Variants in CCDC120 observed in about 807,000 individuals in gnomAD.
The protein encoded by CCDC120 is coiled-coil domain-containing protein 120.
In CCDC120, 16 loss-of-function variants were observed where a neutral mutation model predicts 37.6. That is an observed-to-expected ratio of 0.43 (90% confidence interval 0.29 to 0.65). The LOEUF (loss-of-function observed/expected upper bound fraction) is 0.65, where lower values mean the gene tolerates loss of function less well. Ranked by LOEUF, CCDC120 falls within the 30% of genes least tolerant of loss-of-function variation. The pLI, the probability that CCDC120 is intolerant of heterozygous loss-of-function variation, is 0.18. For missense variants in CCDC120, 650 were observed against 657.4 expected (o/e 0.99, Z 0.12); for synonymous variants, 309 against 275.4 (o/e 1.12, Z -1.21).
intron 2 of CCDC120, 55 bp downstream of exon 2, chrX:49,062,159 TG>T: frequency 2.6e-6 from 3 of 1,168,014 alleles, no homozygotes; most frequent in Non-Finnish European, 3.4e-6. Flanking sequence ...CGCTGTGGCA[TG>T]GGAAGCTGGG....
At position 49,067,332 on chromosome X, in the gene CCDC120, TGGG is replaced by T. The variant is rs1557081587; in HGVS notation, c.1221_1223del (p.Gly408del). The T allele has an allele frequency of 5.0e-6, 6 of 1,203,720 alleles. No homozygotes were observed. The highest frequency in any genetic ancestry group is 4.5e-6 in the Non-Finnish European group (4 of 892,532). ...CCCTGCTGGTGGACCGGGCCGCTGG[TGGG>T]GGAGCTGGCTCCCCGCCTGCCCCTC... On this transcript the variant is annotated inframe_deletion, in exon 10 of 11. Transcript: ENST00000603986.
chrX:49,058,942 G>A (rs994713525), upstream of CCDC120: 1 of 112,635 alleles, frequency 8.9e-6, no homozygotes, highest in Non-Finnish European at 1.9e-5. Flanking sequence ...GGCCGGCCCA[G>A]TTCCTGGCCA....
At chrX:49,062,153 G>A in intron 2 of CCDC120, 49 bp downstream of exon 2, 1 of 1,167,414 alleles carries the variant, frequency 8.6e-7, no homozygotes, top group African/African-American at 1.8e-5. Context: ...ATTCCCCGCT[G>A]TGGCATGGGA....
rs782774922 is a variant in CCDC120, at chrX:49,062,257, G to C, written c.86G>C (p.Arg29Pro). ...SERTLSSHQP[R>P]PLDSTKMEVK... is the part of the protein sequence containing the mutation. ...CAGACTTTGTCCAGCCATCAGCCAC[G>C]GCCTCTCGACAGCACCAAGATGGAA... Residue 29 changes from arginine to proline, a missense_variant, in exon 3 of 11, where the codon CGG (arginine) becomes CCG (proline). Arg to Pro is a moderately radical substitution (Grantham distance 103). This residue lies in a region of CCDC120 where 64 missense variants were observed against 65.2 expected (regional missense o/e 0.98). Transcript: ENST00000603986. 4.1e-6 allele frequency: 5 copies of C among 1,208,723 alleles called. No homozygotes were observed. The highest frequency in any genetic ancestry group is 4.5e-6 in the Non-Finnish European group (4 of 894,614).
chrX:49,054,969 A>ATACTGTGCCCG (rs2064821701), upstream of CCDC120, among the ~76,000 whole-genome samples: 1 of 111,574 alleles, frequency 9.0e-6, no homozygotes, highest in African/African-American at 3.3e-5. Flanking sequence ...GGGTCCCATT[A>ATACTGTGCCCG]TACTGTGCCC....
At chrX:49,067,126 C>T in intron 9 of CCDC120, 50 bp from the exon 10 acceptor site, 1 of 1,128,370 alleles carries the variant, frequency 8.9e-7, no homozygotes, top group Non-Finnish European at 1.2e-6. Context: ...TGCACGCCTT[C>T]TGCCTGATTT....
chrX:49,054,409 T>C (rs2064818572), upstream of CCDC120, among the ~76,000 whole-genome samples: 1 of 111,220 alleles, frequency 9.0e-6, no homozygotes, highest in Admixed American at 9.6e-5. Flanking sequence ...CTCTGCACCC[T>C]ATGTGATATC....
At position 49,064,556 on chromosome X, in the gene CCDC120, C is replaced by T; in HGVS notation, c.616C>T (p.Leu206Phe). Reference sequence around the variant, plus strand: ...GCAGCTCAGGGATGTCCGGGCCCGCCTTGGCCTCCCAGTGCTCCCGCTGCC... The same window carrying T: ...GCAGCTCAGGGATGTCCGGGCCCGCTTTGGCCTCCCAGTGCTCCCGCTGCC... ...EEQLRDVRARLGLPVLPLPQP... is the reference protein window; with the variant it reads ...EEQLRDVRARFGLPVLPLPQP... Residue 206 changes from leucine (L) to phenylalanine (F), a missense_variant, in exon 6 of 11, where the codon CTT (leucine) becomes TTT (phenylalanine). Coordinates refer to ENST00000603986, the MANE Select transcript of CCDC120 (RefSeq NM_001163321.4). 8.5e-7 allele frequency: 1 copy of T among 1,177,628 alleles called. No individual in the cohort carries two copies. Among genetic ancestry groups the T allele is most frequent in the Non-Finnish European group, 1.1e-6 (1 of 878,173 alleles).
rs2064978147 is a variant in CCDC120 at position 49,067,874 on chromosome X, A to G, written c.1760A>G (p.Lys587Arg). 1.7e-6 allele frequency: 2 copies of G among 1,169,566 alleles called. No individual in the cohort carries two copies. Among genetic ancestry groups the G allele is most frequent in the South Asian group, 1.9e-5 (1 of 52,848 alleles). Residue 587 changes from lysine (K) to arginine (R), a missense_variant, in exon 10 of 11, where the codon AAG (lysine) becomes AGG (arginine). By Grantham distance (26) the Lys-to-Arg change is conservative. Transcript: ENST00000603986. ...TCGGCTGGTGAACGCAGTGGCCACAAGAACCTGGCTCTGGAGGGGCTGCGG... is the reference window on the plus strand; with the variant it reads ...TCGGCTGGTGAACGCAGTGGCCACAGGAACCTGGCTCTGGAGGGGCTGCGG... ...IPSAGERSGH[K>R]NLALEGLRDW... is the part of the protein sequence containing the mutation.
upstream of CCDC120, among the ~76,000 whole-genome samples, chrX:49,055,783 C>T (rs2064826217): frequency 8.9e-6 from 1 of 111,738 alleles, no homozygotes. Flanking sequence ...GAAAATCTAT[C>T]CAAACCTATT....
At chrX:49,059,657 A>G (rs782285190) in intron 1 of CCDC120, among the ~76,000 whole-genome samples, 1 of 112,478 alleles carries the variant, frequency 8.9e-6, no homozygotes, top group East Asian at 2.8e-4. Context: ...CAGGTGAGGT[A>G]TCTTGGTTGT....
chrX:49,062,375 C>T, intron 3 of CCDC120, 50 bp downstream of exon 3: 1 of 1,207,474 alleles, frequency 8.3e-7, no homozygotes. Flanking sequence ...TCTGAATCAC[C>T]ACCTGCTTGC....
At chrX:49,065,226 C>T in intron 7 of CCDC120, 128 bp downstream of exon 7, 1 of 757,299 alleles carries the variant, frequency 1.3e-6, no homozygotes, top group Admixed American at 2.7e-5. Flanking sequence ...TGTGCTGCTT[C>T]AGCTTCTCCT....
At chrX:49,065,139 G>T (rs781846507) in intron 7 of CCDC120, 41 bp downstream of exon 7, 2 of 1,156,037 alleles carry the variant, frequency 1.7e-6, no homozygotes, top group Non-Finnish European at 2.4e-6. Context: ...CGACTCCTAC[G>T]TCCCTTTAGC....
Position 49,062,341 on chromosome X carries a change from C to T in CCDC120, c.154+16C>T. ...AATGCCCCAGGTCGGTGGCTGCTTC[C>T]CCTCCTGCTGCCTCCTCCCCTGCTC... On this transcript the variant is annotated intron_variant, in intron 3 of 10. Transcript: ENST00000603986. 8.3e-7 allele frequency: 1 copy of T among 1,205,717 alleles called. No homozygotes were observed. The highest frequency in any genetic ancestry group is 1.8e-5 in the South Asian group (1 of 56,336).
rs782709167 is a variant in CCDC120, at chrX:49,067,289, G to A, written c.1175G>A (p.Arg392His). ...RASLFVARTRRSNSSEALLVD... is the reference protein window; with the variant it reads ...RASLFVARTRHSNSSEALLVD... ...TCCCTCTTCGTAGCTCGCACCCGCC[G>A]CAGCAACAGTTCTGAGGCCCTGCTG... Residue 392 changes from arginine to histidine, a missense_variant, in exon 10 of 11, where the codon CGC becomes CAC. Arg to His is a conservative substitution (Grantham distance 29). This residue lies in a region of CCDC120 where 576 missense variants were observed against 565.3 expected (regional missense o/e 1.02). Coordinates refer to ENST00000603986, the MANE Select transcript of CCDC120 (RefSeq NM_001163321.4). 3.5e-5 allele frequency: 42 copies of A among 1,209,362 alleles called. No individual in the cohort carries two copies. The highest frequency in any genetic ancestry group is 4.4e-5 in the Non-Finnish European group (39 of 894,952).
rs1309983015 is a variant in CCDC120 at position 49,064,466 on chromosome X, G to C, written c.526G>C (p.Glu176Gln). The C allele has an allele frequency of 3.4e-6, 4 of 1,179,291 alleles. No individual in the cohort carries two copies. The Admixed American group carries it at 9.7e-5, about 29-fold the overall frequency. Residue 176 changes from glutamate to glutamine, a missense_variant, in exon 6 of 11, where the codon GAG (glutamate) becomes CAG (glutamine). Physicochemically the swap from Glu to Gln is conservative, Grantham distance 29. Around this residue, in one of 3 missense-constraint regions of CCDC120, gnomAD observed 576 missense variants for 565.3 expected, o/e 1.02. Transcript: ENST00000603986. Reference protein sequence around the residue: ...RLALAPDLSTEQRRRRRQVQA... With the variant: ...RLALAPDLSTQQRRRRRQVQA... ...GGCCTTGGCCCCTGATCTGAGCACCGAGCAGCGCCGGCGCCGGCGCCAGGT... is the reference window on the plus strand; with the variant it reads ...GGCCTTGGCCCCTGATCTGAGCACCCAGCAGCGCCGGCGCCGGCGCCAGGT...
In CCDC120 at chrX:49,063,980, C is replaced by T. The variant is rs1557080243; in HGVS notation, c.408C>T (p.His136=). The change falls in exon 5 of 11, where the codon CAC becomes CAT. Residue 136 remains histidine (H), a synonymous_variant. Transcript: ENST00000603986. ...CTCCACCGCACCCCAACCAAGCACA[C>T]CACTCCTTGTGCCCTGCTGAGGTGA... ...AYPPPHPNQA[H]HSLCPAEELA... 8.3e-7 allele frequency: 1 copy of T among 1,202,982 alleles called. No individual in the cohort carries two copies. Among genetic ancestry groups the T allele is most frequent in the African/African-American group, 1.8e-5 (1 of 56,834 alleles).
Position 49,062,494 on chromosome X carries a change from C to G in CCDC120, c.181C>G (p.Gln61Glu), listed in dbSNP as rs782816907. The change falls in exon 4 of 11, where the codon CAG becomes GAG. Residue 61 changes from glutamine to glutamate, a missense_variant. Around this residue, in one of 3 missense-constraint regions of CCDC120, gnomAD observed 64 missense variants for 65.2 expected, o/e 0.98. Transcript: ENST00000603986. ...PAALFGEAAP[Q>E]VKSERLRGLL... ...TGCCCTGTTCGGAGAGGCTGCCCCC[C>G]AGGTGAAGTCAGAGCGTCTGCGGGG... 1 of 1,212,099 alleles carries G rather than the reference C, an allele frequency of 8.3e-7. No individual in the cohort carries two copies. Among genetic ancestry groups the G allele is most frequent in the Non-Finnish European group, 1.1e-6 (1 of 895,604 alleles).
Sources: gnomAD v4.1 joint callset for allele counts (sites outside exome capture counted in the v4.1 genomes callset) on GRCh38, gnomAD v4.1.1 for gene constraint, gnomAD v4.1.1 regional missense constraint, MANE v1.5 for transcripts, NCBI Gene and HGNC (gene_info 2026-07-23, HGNC 2026-07-21) for gene names.